PLCG2: variants seen among roughly 807,000 people sequenced by gnomAD.
PLCG2 encodes 1-phosphatidylinositol 4,5-bisphosphate phosphodiesterase gamma-2.
A neutral mutation model predicts 175.6 loss-of-function variants in PLCG2; 69 were observed. The observed-to-expected ratio is 0.39, with a 90% CI of 0.32 to 0.48. PLCG2 has a LOEUF of 0.48. PLCG2 is among the 20% of genes least tolerant of loss of function. The pLI is 0.91. For missense variants in PLCG2, 1,798 were observed against 1,650.9 expected (o/e 1.09, Z -1.54); for synonymous variants, 827 against 624.0 (o/e 1.33, Z -4.85).
At chr16:81,830,632 C>CA (rs1174441135) in intron 2 of PLCG2, among the ~76,000 whole-genome samples, 3 of 147,560 alleles carry the variant, frequency 2.0e-5, no homozygotes, top group African/African-American at 7.8e-5. Context: ...AAAACAACAA[C>CA]AAAAAAATGT....
chr16:81,936,270 C>G lies in PLCG2; in HGVS notation c.2944C>G (p.Leu982Val). Residue 982 changes from leucine to valine, a missense_variant, in exon 27 of 33, where the codon CTG becomes GTG. Coordinates refer to ENST00000564138, the MANE Select transcript of PLCG2 (RefSeq NM_002661.5). Reference protein sequence around the residue: ...VDLLKYNQKGLTRVYPKGQRV... With the variant: ...VDLLKYNQKGVTRVYPKGQRV... ...CCTCCTGAAGTACAATCAAAAGGGC[C>G]TGACCCGCGTCTACCCAAAGGGACA... 4.3e-6 allele frequency: 7 copies of G among 1,614,186 alleles called. No homozygotes were observed. The highest frequency in any genetic ancestry group is 5.9e-6 in the Non-Finnish European group (7 of 1,180,020).
At chr16:81,938,154 A>G (rs1377922783) in intron 28 of PLCG2, among the ~76,000 whole-genome samples, 1 of 152,074 alleles carries the variant, frequency 6.6e-6, no homozygotes, top group African/African-American at 2.4e-5. Flanking sequence ...GTGAGGTATG[A>G]CCCTATCTTT....
At chr16:81,743,645 CT>C (rs1412440307) in intron 1 of PLCG2, among the ~76,000 whole-genome samples, 1 of 152,178 alleles carries the variant, frequency 6.6e-6, no homozygotes. Context: ...GAGATCCTCT[CT>C]CTTGTGGATG....
rs1906443397 is a variant in PLCG2, at chr16:81,852,028, C to T, written c.194-2416C>T. The T allele has an allele frequency of 2.0e-5, 3 of 152,174 alleles. No homozygotes were observed. In the South Asian group the frequency reaches 6.2e-4, roughly 32 times the overall value. The allele number at this position is 152,174 out of a possible 1,614,324, so 9.4% of individuals were successfully genotyped here. On this transcript the variant is annotated intron_variant, in intron 2 of 32. Transcript: ENST00000564138. Reference sequence around the variant, plus strand: ...CCTTTGCTCACCTCTGGACTTCGTTCTGTCCTCTTCCTTAATTCCAGGCCA... The same window carrying T: ...CCTTTGCTCACCTCTGGACTTCGTTTTGTCCTCTTCCTTAATTCCAGGCCA...
intron 2 of PLCG2, among the ~76,000 whole-genome samples, chr16:81,814,073 A>T (rs984250326): frequency 7.2e-5 from 11 of 152,108 alleles, no homozygotes; most frequent in African/African-American, 2.7e-4. Context: ...TGGATATTAG[A>T]AGGCTGCCCT....
rs112777423 is a variant in PLCG2, at chr16:81,958,701, C to T, written c.*703C>T. 12 of 221,498 alleles carry T rather than the reference C, an allele frequency of 5.4e-5. No individual in the cohort carries two copies. The highest frequency in any genetic ancestry group is 1.8e-4 in the African/African-American group (8 of 44,774). 13.7% of individuals were successfully genotyped at this position (221,498 alleles called of 1,614,324 possible). On this transcript the variant is annotated 3_prime_UTR_variant, in exon 33 of 33. Coordinates refer to ENST00000564138, the MANE Select transcript of PLCG2 (RefSeq NM_002661.5). Reference sequence around the variant, plus strand: ...AAAAGCCCATCAGAGAGACCAGAGCCGTGCTGCAGGGGCAGGTTCTCACTT... The same window carrying T: ...AAAAGCCCATCAGAGAGACCAGAGCTGTGCTGCAGGGGCAGGTTCTCACTT...
intron 31 of PLCG2, among the ~76,000 whole-genome samples, chr16:81,953,118 T>C (rs888049367): frequency 2.6e-5 from 4 of 152,170 alleles, no homozygotes; most frequent in Non-Finnish European, 5.9e-5. Flanking sequence ...TCATACAAAA[T>C]AACTGACTAG....
At chr16:81,908,861 T>C (rs1358176460) in intron 17 of PLCG2, among the ~76,000 whole-genome samples, 1 of 152,212 alleles carries the variant, frequency 6.6e-6, no homozygotes, top group Non-Finnish European at 1.5e-5. Flanking sequence ...ATGAACATTT[T>C]AAACAAAGAC....
chr16:81,741,775 A>C (rs4889375), intron 1 of PLCG2, among the ~76,000 whole-genome samples: 53,278 of 151,962 alleles, frequency 0.35, 9,984 homozygotes, highest in East Asian at 0.68. Context: ...TGTGCCACTG[A>C]ACTCTAGCCT....
intron 1 of PLCG2, among the ~76,000 whole-genome samples, chr16:81,785,074 A>G (rs1206645991): frequency 1.1e-4 from 17 of 152,152 alleles, no homozygotes; most frequent in Admixed American, 1.1e-3. Flanking sequence ...GCAGGATTAG[A>G]ATAGTTCAAG....
At chr16:81,949,006 T>G (rs1911263782) in intron 31 of PLCG2, among the ~76,000 whole-genome samples, 1 of 152,166 alleles carries the variant, frequency 6.6e-6, no homozygotes, top group South Asian at 2.1e-4. Flanking sequence ...TTTCTGGAAT[T>G]CAGAGAATAG....
intron 2 of PLCG2, among the ~76,000 whole-genome samples, chr16:81,824,539 G>A (rs762826195): frequency 4.6e-5 from 7 of 152,196 alleles, no homozygotes; most frequent in Non-Finnish European, 1.0e-4. Context: ...GGCACTTTTC[G>A]TTGGGATCAT....
At chr16:81,804,403 T>G (rs980652345) in intron 2 of PLCG2, among the ~76,000 whole-genome samples, 7 of 152,222 alleles carry the variant, frequency 4.6e-5, no homozygotes, top group Admixed American at 4.6e-4. Context: ...AGCATTGTCT[T>G]CTGGCATGGG....
At chr16:81,820,723 C>G (rs1904758386) in intron 2 of PLCG2, among the ~76,000 whole-genome samples, 1 of 152,192 alleles carries the variant, frequency 6.6e-6, no homozygotes, top group Non-Finnish European at 1.5e-5. Context: ...CAGGTTCAAG[C>G]AATCCTCCCA....
chr16:81,877,770 C>G (rs1473737319), intron 7 of PLCG2, among the ~76,000 whole-genome samples: 3 of 146,864 alleles, frequency 2.0e-5, no homozygotes, highest in Admixed American at 1.4e-4. Flanking sequence ...GTGTAGATGT[C>G]ATTGCATCGC....
chr16:81,841,041 A>G (rs1704809885), intron 2 of PLCG2, among the ~76,000 whole-genome samples: 1 of 152,146 alleles, frequency 6.6e-6, no homozygotes, highest in Non-Finnish European at 1.5e-5. Flanking sequence ...CACAGACCTA[A>G]TTATTTGAGC....
chr16:81,909,062 C>T (rs1909504100), intron 17 of PLCG2, among the ~76,000 whole-genome samples: 1 of 152,196 alleles, frequency 6.6e-6, no homozygotes, highest in African/African-American at 2.4e-5. Flanking sequence ...TTCATTCATC[C>T]ACCCACTTAT....
At chr16:81,847,435 G>A (rs1447018444) in intron 2 of PLCG2, among the ~76,000 whole-genome samples, 1 of 151,970 alleles carries the variant, frequency 6.6e-6, no homozygotes, top group Non-Finnish European at 1.5e-5. Flanking sequence ...GGACGTTGGG[G>A]GTAGGGCTGA....
intron 19 of PLCG2, among the ~76,000 whole-genome samples, chr16:81,913,895 G>T (rs1198838321): frequency 6.6e-6 from 1 of 152,100 alleles, no homozygotes. Context: ...CCGTGGTGAC[G>T]GTCATTATCA....
Sources: allele counts gnomAD v4.1 joint callset (sites outside exome capture counted in the v4.1 genomes callset), GRCh38; gene constraint gnomAD v4.1.1; transcripts MANE v1.5; gene names NCBI Gene and HGNC (gene_info 2026-07-23, HGNC 2026-07-21).